The following RBMS3 variants were observed in gnomAD, a reference collection of about 807,000 sequenced individuals.
RBMS3 encodes the protein RNA binding motif single stranded interacting protein 3.
A neutral mutation model predicts 66.8 loss-of-function variants in RBMS3; 27 were observed. The ratio of observed to expected loss-of-function variants is 0.40; its 90% CI spans 0.30 to 0.56. The LOEUF is 0.56. RBMS3 is among the 20% of genes least tolerant of loss of function. The probability of loss-of-function intolerance (pLI) is 0.40; values close to 1 mark genes in which losing one functional copy is unlikely to be tolerated. For synonymous variants in RBMS3, 188 were observed against 183.0 expected, an observed-to-expected ratio of 1.03 and a Z score of -0.22; for missense variants, 513 against 549.5, an observed-to-expected ratio of 0.93 and a Z score of 0.66.
At chr3:29,372,669 C>A (rs75719799) in intron 1 of RBMS3, among the ~76,000 whole-genome samples, 2 of 151,466 alleles carry the variant, frequency 1.3e-5, no homozygotes. Flanking sequence ...ACTGTTATTC[C>A]TCTAATAATA....
chr3:29,648,132 C>T (rs2050006652), intron 4 of RBMS3, among the ~76,000 whole-genome samples: 1 of 152,050 alleles, frequency 6.6e-6, no homozygotes, highest in African/African-American at 2.4e-5. Flanking sequence ...TTGTCCCTTG[C>T]TCCTTCTGGA....
Position 29,391,148 on chromosome 3 carries a change from T to C in RBMS3, c.76-43595T>C, listed in dbSNP as rs188361074. ...AAAAAAATGGTTAGTTGCAGTTGTG[T>C]AGTAGTTAAGGTCTATGGCAAAGAA... On this transcript the variant is annotated intron_variant, in intron 1 of 14. Coordinates refer to ENST00000383767, the MANE Select transcript of RBMS3 (RefSeq NM_001003793.3). The C allele has an allele frequency of 2.5e-4, 47 of 184,690 alleles. 2 individuals are homozygous for C. Among genetic ancestry groups the C allele is most frequent in the Admixed American group, 2.4e-3 (47 of 19,932 alleles). The allele number at this position is 184,690 out of a possible 1,614,324, so 11.4% of individuals were successfully genotyped here. A position where few individuals can be genotyped will look rare whatever the true frequency, so the allele number is the denominator to read the frequency against.
intron 5 of RBMS3, among the ~76,000 whole-genome samples, chr3:29,748,364 G>T (rs1576687411): frequency 6.6e-6 from 1 of 152,168 alleles, no homozygotes; most frequent in African/African-American, 2.4e-5. Context: ...ATTAAGTACA[G>T]AGTTTATTTG....
At chr3:29,373,056 G>T (rs1364006107) in intron 1 of RBMS3, among the ~76,000 whole-genome samples, 3 of 152,064 alleles carry the variant, frequency 2.0e-5, no homozygotes, top group Non-Finnish European at 4.4e-5. Flanking sequence ...AACTTTCTCT[G>T]GGTTTTTAAT....
chr3:29,742,905 G>T (rs946998266), intron 5 of RBMS3, among the ~76,000 whole-genome samples: 1 of 152,190 alleles, frequency 6.6e-6, no homozygotes, highest in Non-Finnish European at 1.5e-5. Context: ...TTCAGAAAGT[G>T]CCATGTGGAC....
intron 10 of RBMS3, among the ~76,000 whole-genome samples, chr3:29,906,329 G>A (rs2060377741): frequency 6.6e-6 from 1 of 152,076 alleles, no homozygotes; most frequent in Non-Finnish European, 1.5e-5. Context: ...CAGCTGGTGA[G>A]GGCCATCTTG....
At chr3:29,836,459 G>A (rs1385098225) in intron 6 of RBMS3, among the ~76,000 whole-genome samples, 2 of 151,876 alleles carry the variant, frequency 1.3e-5, no homozygotes, top group Admixed American at 1.3e-4. Context: ...AAACACAGAA[G>A]AACATATACC....
chr3:29,321,179 T>G (rs1438536107), intron 1 of RBMS3, among the ~76,000 whole-genome samples: 1 of 152,132 alleles, frequency 6.6e-6, no homozygotes, highest in Non-Finnish European at 1.5e-5. Context: ...AGTGTTTTAT[T>G]GTACTAGACA....
intron 14 of RBMS3, among the ~76,000 whole-genome samples, chr3:29,997,344 G>C (rs1699313537): frequency 6.6e-6 from 1 of 150,756 alleles, no homozygotes; most frequent in African/African-American, 2.5e-5. Context: ...GAGGTACAAG[G>C]AGGAACTGGT....
intron 3 of RBMS3, among the ~76,000 whole-genome samples, chr3:29,519,063 C>A (rs944244813): frequency 1.1e-4 from 16 of 152,146 alleles, no homozygotes; most frequent in African/African-American, 3.9e-4. Context: ...GTAATAATAG[C>A]ATGAACTGGC....
intron 7 of RBMS3, among the ~76,000 whole-genome samples, chr3:29,880,365 C>G (rs1325501723): frequency 1.3e-5 from 2 of 152,102 alleles, no homozygotes; most frequent in Non-Finnish European, 2.9e-5. Flanking sequence ...TTTCTACATA[C>G]ATGGTGTGAC....
At chr3:29,529,425 C>T (rs1256967941) in intron 3 of RBMS3, among the ~76,000 whole-genome samples, 1 of 152,124 alleles carries the variant, frequency 6.6e-6, no homozygotes, top group African/African-American at 2.4e-5. Context: ...GCACAATTTG[C>T]ATACACGTTT....
chr3:30,002,438 G>C (rs903990845), intron 14 of RBMS3, among the ~76,000 whole-genome samples: 14 of 151,808 alleles, frequency 9.2e-5, no homozygotes, highest in African/African-American at 3.1e-4. Context: ...AAAAAAAATT[G>C]TTCCCTTAGT....
intron 4 of RBMS3, among the ~76,000 whole-genome samples, chr3:29,665,639 A>C (rs952811935): frequency 6.6e-6 from 1 of 152,204 alleles, no homozygotes; most frequent in Non-Finnish European, 1.5e-5. Flanking sequence ...GTTTGCCAAC[A>C]TTGCCCTTTT....
intron 4 of RBMS3, among the ~76,000 whole-genome samples, chr3:29,613,564 T>C (rs529706112): frequency 2.3e-4 from 35 of 152,196 alleles, no homozygotes; most frequent in African/African-American, 8.2e-4. Flanking sequence ...TATGATAAAA[T>C]AGCATTATTT....
chr3:29,884,472 C>CG (rs1258281965), intron 8 of RBMS3, among the ~76,000 whole-genome samples: 1 of 75,682 alleles, frequency 1.3e-5, no homozygotes, highest in East Asian at 2.6e-4. Context: ...CTCTCTCTCC[C>CG]CCCCCGCTCC....
At chr3:29,491,724 T>C (rs2043551420) in intron 3 of RBMS3, among the ~76,000 whole-genome samples, 1 of 152,216 alleles carries the variant, frequency 6.6e-6, no homozygotes, top group South Asian at 2.1e-4. Context: ...CCGGGCGCAG[T>C]GGCTCATGCC....
At chr3:29,761,920 C>A (rs1056647020) in intron 5 of RBMS3, among the ~76,000 whole-genome samples, 3 of 152,040 alleles carry the variant, frequency 2.0e-5, no homozygotes, top group African/African-American at 7.2e-5. Flanking sequence ...CTCTAGTATA[C>A]TCTTTGGAAG....
chr3:29,739,892 T>G lies in RBMS3; in HGVS notation c.557+15T>G. 1 of 1,539,084 alleles carries G rather than the reference T, an allele frequency of 6.5e-7. No homozygotes were observed. The highest frequency in any genetic ancestry group is 2.3e-5 in the East Asian group (1 of 43,168). ...GGCTTTGCCAGGTAAAATTCTTTCT[T>G]TGTATGTAATCGTTCTTTCCTCATT... On this transcript the variant is annotated intron_variant, in intron 5 of 14. Transcript: ENST00000383767.
Sources: allele counts gnomAD v4.1 joint callset (sites outside exome capture counted in the v4.1 genomes callset), GRCh38; gene constraint gnomAD v4.1.1; transcripts MANE v1.5; gene names NCBI Gene and HGNC (gene_info 2026-07-23, HGNC 2026-07-21).